KIF13A: variants seen among roughly 807,000 people sequenced by gnomAD.
KIF13A encodes the protein kinesin-like protein KIF13A.
Under a neutral mutation model 212.2 loss-of-function variants are expected in KIF13A, and 79 were observed. The ratio of observed to expected loss-of-function variants is 0.37; its 90% CI spans 0.31 to 0.45. The LOEUF is 0.45. KIF13A is among the 20% of genes least tolerant of loss of function. The pLI is 1.00. For synonymous variants in KIF13A, 789 were observed against 808.6 expected, an observed-to-expected ratio of 0.98 and a Z score of 0.41; for missense variants, 1,901 against 2,209.0, an observed-to-expected ratio of 0.86 and a Z score of 2.79.
chr6:17,961,739 C>T lies in KIF13A; in HGVS notation c.146+25315G>A, dbSNP rs190927766. ...TGTTTGCATGGGCTTCTAGGATCCTCCAGCCAAGTAAGATGTCCACCTCCA... is the reference window on the plus strand; with the variant it reads ...TGTTTGCATGGGCTTCTAGGATCCTTCAGCCAAGTAAGATGTCCACCTCCA... On this transcript the variant is annotated intron_variant, in intron 2 of 38. Coordinates refer to ENST00000259711, the MANE Select transcript of KIF13A (RefSeq NM_022113.6). The surrounding 1 kb of genome is among the most constrained non-coding windows in gnomAD (Gnocchi z 4.1). Among the ~76,000 whole-genome samples the T allele has an allele frequency of 2.0e-3, 307 of 152,300 alleles. 1 individual carries two copies. The highest frequency in any genetic ancestry group is 7.1e-3 in the African/African-American group (294 of 41,562).
intron 3 of KIF13A, among the ~76,000 whole-genome samples, chr6:17,893,291 A>G (rs9371023): frequency 0.76 from 115,824 of 152,112 alleles, 44,365 homozygotes; most frequent in South Asian, 0.84. Flanking sequence ...TCTATGTCTT[A>G]GCACATCTGT....
Position 17,839,187 on chromosome 6 carries a change from C to T in KIF13A, c.831-1604G>A, listed in dbSNP as rs576956175. Among the ~76,000 whole-genome samples the T allele has an allele frequency of 4.5e-4, 69 of 152,278 alleles. No individual in the cohort carries two copies. Among genetic ancestry groups the T allele is most frequent in the African/African-American group, 1.6e-3 (65 of 41,554 alleles). The stretch of plus-strand genomic sequence containing the variant: ...CAGGTGACGGATACCTTAAAAGCCC[C>T]GACTTGACCACTGCACAATCTGTGC... On this transcript the variant is annotated intron_variant, in intron 9 of 38. Coordinates refer to ENST00000259711, the MANE Select transcript of KIF13A (RefSeq NM_022113.6). The surrounding 1 kb of genome is among the most constrained non-coding windows in gnomAD (Gnocchi z 4.3).
chr6:17,849,182 C>T lies in KIF13A; in HGVS notation c.830+195G>A, dbSNP rs1767387667. ...CTTCCCAAAGTACTGGGATTACAGG[C>T]ATGAGCCACCGTGCCTGGCCAAAAA... On this transcript the variant is annotated intron_variant, in intron 9 of 38. Coordinates refer to ENST00000259711, the MANE Select transcript of KIF13A (RefSeq NM_022113.6). The surrounding 1 kb of genome is among the most constrained non-coding windows in gnomAD (Gnocchi z 5.7). Among the ~76,000 whole-genome samples the T allele has an allele frequency of 6.6e-6, 1 of 152,164 alleles. No homozygotes were observed. The highest frequency in any genetic ancestry group is 2.1e-4 in the South Asian group (1 of 4,828).
Position 17,837,173 on chromosome 6 carries a change from G to A in KIF13A, c.943-83C>T, listed in dbSNP as rs1045751493. On this transcript the variant is annotated intron_variant, in intron 10 of 38. Transcript: ENST00000259711. This position sits in a 1 kb window ranked among gnomAD's most constrained non-coding sequence, Gnocchi z 5.4. ...TAAAAGCACTAAATGTGTTAGGTAT[G>A]ACATTATTCTCTATGAAGGAAACAT... is the stretch of plus-strand genomic sequence containing the variant. 6.1e-6 allele frequency: 7 copies of A among 1,155,560 alleles called. No homozygotes were observed. In the African/African-American group the frequency reaches 1.1e-4, roughly 18 times the overall value. The allele number at this position is 1,155,560 out of a possible 1,614,324, so 71.6% of individuals were successfully genotyped here.
intron 2 of KIF13A, among the ~76,000 whole-genome samples, chr6:17,972,288 CCT>C (rs1388848214): frequency 2.0e-5 from 3 of 152,096 alleles, no homozygotes; most frequent in African/African-American, 7.2e-5. Flanking sequence ...GTAACCATTC[CCT>C]GTTACAATTT....
chr6:17,905,184 T>C (rs1474503660), intron 2 of KIF13A, among the ~76,000 whole-genome samples: 1 of 152,236 alleles, frequency 6.6e-6, no homozygotes, highest in Admixed American at 6.5e-5. Context: ...GTATTTTGTG[T>C]GTGGCTCAAG....
At chr6:17,901,423 TAAC>T (rs1375867179) in intron 2 of KIF13A, among the ~76,000 whole-genome samples, 1 of 152,122 alleles carries the variant, frequency 6.6e-6, no homozygotes, top group African/African-American at 2.4e-5. Context: ...AAAATAAACT[TAAC>T]AGGCTGAGAT....
intron 4 of KIF13A, among the ~76,000 whole-genome samples, chr6:17,865,111 C>T (rs1452215875): frequency 1.3e-5 from 2 of 152,188 alleles, no homozygotes; most frequent in African/African-American, 4.8e-5. Context: ...ACAAGGCAGA[C>T]ACCTATGGCC....
intron 20 of KIF13A, among the ~76,000 whole-genome samples, chr6:17,802,619 C>T (rs548236144): frequency 2.2e-4 from 33 of 151,346 alleles, no homozygotes; most frequent in African/African-American, 2.4e-4. Context: ...TAATGCTTTT[C>T]GATAATCTAA....
At position 17,951,210 on chromosome 6, in the gene KIF13A, A is replaced by G. The variant is rs971999050; in HGVS notation, c.146+35844T>C. On this transcript the variant is annotated intron_variant, in intron 2 of 38. Coordinates refer to ENST00000259711, the MANE Select transcript of KIF13A (RefSeq NM_022113.6). The surrounding 1 kb of genome is among the most constrained non-coding windows in gnomAD (Gnocchi z 4.9). ...GGCTCTGTCACCCAGGCTGGCGTGC[A>G]GTGGCTCAAACAGCTCACTGGAGCC... 4 of 1,119,366 alleles carry G rather than the reference A, an allele frequency of 3.6e-6. No individual in the cohort carries two copies. Among genetic ancestry groups the G allele is most frequent in the Non-Finnish European group, 4.6e-6 (4 of 873,300 alleles). 69.3% of individuals were successfully genotyped at this position (1,119,366 alleles called of 1,614,324 possible).
At position 17,816,216 on chromosome 6, in the gene KIF13A, C is replaced by A. The variant is rs1763936324; in HGVS notation, c.2000+804G>T. Among the ~76,000 whole-genome samples the A allele has an allele frequency of 6.7e-6, 1 of 148,624 alleles. No individual in the cohort carries two copies. Among genetic ancestry groups the A allele is most frequent in the Admixed American group, 6.7e-5 (1 of 14,876 alleles). On this transcript the variant is annotated intron_variant, in intron 17 of 38. Transcript: ENST00000259711. This position sits in a 1 kb window ranked among gnomAD's most constrained non-coding sequence, Gnocchi z 4.3. ...TACAGGCCTGAGCCACCGCACCTGG[C>A]CTGAGTCAGGTCAGGTTCTTCCTGT...
At chr6:17,784,586 G>A (rs796345844) in intron 28 of KIF13A, among the ~76,000 whole-genome samples, 10 of 152,128 alleles carry the variant, frequency 6.6e-5, no homozygotes, top group African/African-American at 2.2e-4. Flanking sequence ...AACATAACTA[G>A]GGATGACACC....
chr6:17,939,179 C>G (rs1776740130), intron 2 of KIF13A, among the ~76,000 whole-genome samples: 1 of 152,154 alleles, frequency 6.6e-6, no homozygotes, highest in African/African-American at 2.4e-5. Flanking sequence ...GCATCTGCTA[C>G]ATATTAACAA....
In KIF13A at chr6:17,951,251, C is replaced by A; in HGVS notation, c.146+35803G>T. 1 of 693,810 alleles carries A rather than the reference C, an allele frequency of 1.4e-6. No homozygotes were observed. Among genetic ancestry groups the A allele is most frequent in the Admixed American group, 3.7e-5 (1 of 26,966 alleles). The allele number at this position is 693,810 out of a possible 1,614,324, so 43.0% of individuals were successfully genotyped here. On this transcript the variant is annotated intron_variant, in intron 2 of 38. Coordinates refer to ENST00000259711, the MANE Select transcript of KIF13A (RefSeq NM_022113.6). The surrounding 1 kb of genome is among the most constrained non-coding windows in gnomAD (Gnocchi z 4.9). ...CACTGGAGCCTCCTGCCTCAGTCTC[C>A]TGAGTAGCTGGGACCACAGGTATGC... is the stretch of plus-strand genomic sequence containing the variant.
At chr6:17,806,790 A>G (rs907086316) in intron 18 of KIF13A, among the ~76,000 whole-genome samples, 18 of 152,160 alleles carry the variant, frequency 1.2e-4, no homozygotes, top group Non-Finnish European at 2.4e-4. Flanking sequence ...GAGGCAAGAG[A>G]ATCACTTGAA....
chr6:17,829,585 T>C lies in KIF13A; in HGVS notation c.1402-1215A>G, dbSNP rs183691373. Among the ~76,000 whole-genome samples, 27 of 152,306 alleles carry C rather than the reference T, an allele frequency of 1.8e-4. No homozygotes were observed. The highest frequency in any genetic ancestry group is 5.8e-4 in the African/African-American group (24 of 41,570). ...CTCAGACATACGAGGACTGTGACTA[T>C]TGGTGATTCAGCCACTGCTTATCCC... On this transcript the variant is annotated intron_variant, in intron 13 of 38. Transcript: ENST00000259711. The surrounding 1 kb of genome is among the most constrained non-coding windows in gnomAD (Gnocchi z 5.4).
chr6:17,980,704 G>A (rs1014038627), intron 2 of KIF13A, among the ~76,000 whole-genome samples: 17 of 152,070 alleles, frequency 1.1e-4, no homozygotes, highest in African/African-American at 4.1e-4. Flanking sequence ...AATCATTAAC[G>A]CCAGGCAAAA....
At position 17,837,115 on chromosome 6, in the gene KIF13A, T is replaced by G. The variant is rs768721447; in HGVS notation, c.943-25A>C. The stretch of plus-strand genomic sequence containing the variant: ...CCTGCCAAGTATTTCAAACAGCATC[T>G]TAGGAAGCCCATTCCATGGACAACA... On this transcript the variant is annotated intron_variant, in intron 10 of 38. Transcript: ENST00000259711. This position sits in a 1 kb window ranked among gnomAD's most constrained non-coding sequence, Gnocchi z 5.4. 6.3e-7 allele frequency: 1 copy of G among 1,596,832 alleles called. No individual in the cohort carries two copies. The highest frequency in any genetic ancestry group is 1.7e-5 in the Admixed American group (1 of 59,910).
downstream of KIF13A, among the ~76,000 whole-genome samples, chr6:17,761,357 G>A (rs756574004): frequency 3.9e-5 from 6 of 152,010 alleles, no homozygotes; most frequent in African/African-American, 9.7e-5. Context: ...CTAGGACTAC[G>A]GGCGTGAGCC....
Sources: allele counts gnomAD v4.1 joint callset (sites outside exome capture counted in the v4.1 genomes callset), GRCh38; gene constraint gnomAD v4.1.1; non-coding constraint Gnocchi (gnomAD v3.1); transcripts MANE v1.5; gene names NCBI Gene and HGNC (gene_info 2026-07-23, HGNC 2026-07-21).